The following PDE3B variants were observed in gnomAD, a reference collection of about 807,000 sequenced individuals.
PDE3B encodes phosphodiesterase 3B, also known as cGMP-inhibited 3',5'-cyclic phosphodiesterase 3B.
In PDE3B, 66 loss-of-function variants were observed where a neutral mutation model predicts 116.8. The observed-to-expected ratio is 0.56, with a 90% CI of 0.46 to 0.69. PDE3B has a LOEUF of 0.69. Ranked by LOEUF, PDE3B falls within the 30% of genes least tolerant of loss-of-function variation. The probability of loss-of-function intolerance (pLI) is 0.00; values close to 1 mark genes in which losing one functional copy is unlikely to be tolerated. For synonymous variants in PDE3B, 595 were observed against 533.6 expected (o/e 1.12, Z -1.59); for missense variants, 1,384 against 1,368.1 (o/e 1.01, Z -0.18).
At chr11:14,726,081 T>C (rs567910984) in intron 1 of PDE3B, among the ~76,000 whole-genome samples, 1 of 152,308 alleles carries the variant, frequency 6.6e-6, no homozygotes, top group East Asian at 1.9e-4. Context: ...TTTGCTGTTT[T>C]TTCACTTGGA....
At chr11:14,880,823 TGAAAGGGA>T in the PDE3B span, 1 of 1,523,562 alleles carries the variant, frequency 6.6e-7, no homozygotes, top group Non-Finnish European at 8.8e-7. Flanking sequence ...ATCTAAAAAA[TGAAAGGGA>T]ACAAAATTTT....
intron 1 of PDE3B, among the ~76,000 whole-genome samples, chr11:14,710,703 G>A (rs905309624): frequency 6.6e-6 from 1 of 152,122 alleles, no homozygotes; most frequent in Non-Finnish European, 1.5e-5. Flanking sequence ...GTTGGGGAGG[G>A]CGAAAAAGAG....
At chr11:14,650,835 A>G (rs931761455) in intron 1 of PDE3B, among the ~76,000 whole-genome samples, 3 of 152,010 alleles carry the variant, frequency 2.0e-5, no homozygotes, top group Non-Finnish European at 2.9e-5. Flanking sequence ...TGAAAAAGGT[A>G]AGGAAGTAGA....
intron 1 of PDE3B, among the ~76,000 whole-genome samples, chr11:14,675,661 G>T (rs144971286): frequency 6.6e-6 from 1 of 152,106 alleles, no homozygotes; most frequent in East Asian, 1.9e-4. Context: ...ATACTGTCCT[G>T]TAATGCATTC....
chr11:14,706,747 A>G (rs890887062), intron 1 of PDE3B, among the ~76,000 whole-genome samples: 1 of 152,022 alleles, frequency 6.6e-6, no homozygotes, highest in Admixed American at 6.6e-5. Flanking sequence ...TTAGGTGCAT[A>G]CAATACACAT....
intron 6 of PDE3B, among the ~76,000 whole-genome samples, chr11:14,818,673 G>A (rs1454001339): frequency 1.3e-5 from 2 of 151,790 alleles, no homozygotes; most frequent in Admixed American, 1.3e-4. Context: ...GATGGATTCA[G>A]CCTATATTCT....
intron 7 of PDE3B, among the ~76,000 whole-genome samples, chr11:14,828,630 G>T (rs549553626): frequency 6.6e-6 from 1 of 152,200 alleles, no homozygotes. Flanking sequence ...ACACCAGTCA[G>T]AATGGCTGCT....
chr11:14,887,492 T>C, the PDE3B span: 1 of 725,150 alleles, frequency 1.4e-6, no homozygotes. Flanking sequence ...AACTTATCCT[T>C]AAACTGCTTT....
intron 1 of PDE3B, among the ~76,000 whole-genome samples, chr11:14,684,710 C>T (rs569572612): frequency 2.0e-4 from 30 of 152,262 alleles, no homozygotes; most frequent in African/African-American, 6.7e-4. Context: ...GTTTATAGAC[C>T]TCCCCCCAGG....
At chr11:14,715,832 T>C (rs984554275) in intron 1 of PDE3B, among the ~76,000 whole-genome samples, 2 of 152,150 alleles carry the variant, frequency 1.3e-5, no homozygotes, top group African/African-American at 4.8e-5. Context: ...TGCGACACTA[T>C]TAACAGTAGC....
intron 1 of PDE3B, chr11:14,700,736 G>C (rs1375530771): frequency 6.6e-6 from 1 of 151,668 alleles, no homozygotes; most frequent in African/African-American, 2.4e-5. Context: ...TTCTCCTATT[G>C]TAGATATCAG....
chr11:14,841,641 T>A (rs1258941715), intron 11 of PDE3B, among the ~76,000 whole-genome samples: 1 of 134,908 alleles, frequency 7.4e-6, no homozygotes, highest in Non-Finnish European at 1.6e-5. Flanking sequence ...CTTAATTGAG[T>A]CACAATTCTG....
chr11:14,756,752 T>A (rs559127322), intron 1 of PDE3B, among the ~76,000 whole-genome samples: 107 of 152,202 alleles, frequency 7.0e-4, no homozygotes, highest in African/African-American at 2.6e-3. Flanking sequence ...CAATCTGGAC[T>A]ACATATACTT....
chr11:14,651,814 A>G (rs886890464), intron 1 of PDE3B, among the ~76,000 whole-genome samples: 2 of 152,190 alleles, frequency 1.3e-5, no homozygotes, highest in Non-Finnish European at 1.5e-5. Flanking sequence ...AAATTTCAAT[A>G]TATGTATGAC....
At chr11:14,780,272 C>G (rs927573820) in intron 2 of PDE3B, among the ~76,000 whole-genome samples, 1 of 152,148 alleles carries the variant, frequency 6.6e-6, no homozygotes, top group Non-Finnish European at 1.5e-5. Flanking sequence ...AGAAAGTTCA[C>G]AAGGATATCC....
At chr11:14,790,950 ATAGTTTATATCTGCAC>A (rs1257640161) in intron 4 of PDE3B, among the ~76,000 whole-genome samples, 1 of 152,102 alleles carries the variant, frequency 6.6e-6, no homozygotes, top group Non-Finnish European at 1.5e-5. Context: ...AATGATGGAA[ATAGTTTATATCTGCAC>A]TGTCTAATAT....
At chr11:14,708,123 A>G (rs571361164) in intron 1 of PDE3B, among the ~76,000 whole-genome samples, 2 of 152,166 alleles carry the variant, frequency 1.3e-5, no homozygotes, top group South Asian at 4.1e-4. Flanking sequence ...GTCCCTCACA[A>G]ATAGATTAAT....
intron 1 of PDE3B, among the ~76,000 whole-genome samples, chr11:14,701,831 A>C (rs2133818171): frequency 6.6e-6 from 1 of 151,730 alleles, no homozygotes; most frequent in South Asian, 2.1e-4. Flanking sequence ...ATTAATAAGT[A>C]GAAAGCCATT....
intron 13 of PDE3B, among the ~76,000 whole-genome samples, chr11:14,859,789 T>C (rs1162940109): frequency 1.3e-5 from 2 of 152,200 alleles, no homozygotes; most frequent in Non-Finnish European, 2.9e-5. Context: ...GCCCACTATG[T>C]ACAGACATTG....
Sources: gnomAD v4.1 joint callset for allele counts (sites outside exome capture counted in the v4.1 genomes callset) on GRCh38, gnomAD v4.1.1 for gene constraint, MANE v1.5 for transcripts, NCBI Gene and HGNC (gene_info 2026-07-23, HGNC 2026-07-21) for gene names.